Variants in GRXCR1 observed in about 807,000 individuals in gnomAD.
GRXCR1 encodes the protein glutaredoxin and cysteine rich domain containing 1.
A neutral mutation model predicts 27.3 loss-of-function variants in GRXCR1; 27 were observed. That is an observed-to-expected ratio of 0.99 (90% CI 0.73 to 1.37). The LOEUF is 1.37. GRXCR1 is among the 40% of genes most tolerant of loss of function. The pLI, the probability that GRXCR1 is intolerant of heterozygous loss-of-function variation, is 0.00. For synonymous variants in GRXCR1, 122 were observed against 131.1 expected (o/e 0.93, Z 0.47); for missense variants, 379 against 354.4 (o/e 1.07, Z -0.56).
intron 1 of GRXCR1, among the ~76,000 whole-genome samples, chr4:42,931,683 C>G (rs901081604): frequency 6.6e-6 from 1 of 151,740 alleles, no homozygotes; most frequent in African/African-American, 2.4e-5. Flanking sequence ...CTAAATTGAG[C>G]CATTAAGATA....
intron 1 of GRXCR1, among the ~76,000 whole-genome samples, chr4:42,915,813 T>C (rs1422613673): frequency 6.6e-6 from 1 of 152,192 alleles, no homozygotes; most frequent in Non-Finnish European, 1.5e-5. Flanking sequence ...CCTATTACTT[T>C]GTTTCTGTTT....
intron 2 of GRXCR1, among the ~76,000 whole-genome samples, chr4:42,983,935 A>T (rs556641771): frequency 6.6e-6 from 1 of 151,396 alleles, no homozygotes; most frequent in South Asian, 2.1e-4. Flanking sequence ...TTCCAGGTTC[A>T]AGCAATTCTC....
At chr4:42,956,155 T>C (rs1054566831) in intron 1 of GRXCR1, among the ~76,000 whole-genome samples, 1 of 152,140 alleles carries the variant, frequency 6.6e-6, no homozygotes, top group African/African-American at 2.4e-5. Flanking sequence ...CTGCATGTGC[T>C]GCAGGTTGTT....
rs551399470 is a variant in GRXCR1 at position 42,970,863 on chromosome 4, A to C, written c.627+7729A>C. 3.3e-5 allele frequency among the ~76,000 whole-genome samples: 5 copies of C among 152,320 alleles called. No homozygotes were observed. In the East Asian group the frequency reaches 7.7e-4, roughly 24 times the overall value. On this transcript the variant is annotated intron_variant, in intron 2 of 3. Coordinates refer to ENST00000399770, the MANE Select transcript of GRXCR1 (RefSeq NM_001080476.3). ...AGTTTTTCTTTTCTACCACATGGTC[A>C]GGCTGCAATTTTTCCAAATTGTTAT...
chr4:42,974,654 T>C (rs977795214), intron 2 of GRXCR1, among the ~76,000 whole-genome samples: 1 of 152,092 alleles, frequency 6.6e-6, no homozygotes, highest in Non-Finnish European at 1.5e-5. Context: ...AAGCGAGAGC[T>C]AAGACCACTC....
chr4:42,968,465 A>G (rs1444587323), intron 2 of GRXCR1, among the ~76,000 whole-genome samples: 1 of 152,138 alleles, frequency 6.6e-6, no homozygotes, highest in East Asian at 1.9e-4. Flanking sequence ...TTTTCCACAC[A>G]CACACACTAA....
chr4:42,963,217 C>G, intron 2 of GRXCR1, 83 bp downstream of exon 2: 3 of 1,487,044 alleles, frequency 2.0e-6, no homozygotes. Context: ...ACATTTGCAG[C>G]GTAACTACTG....
intron 2 of GRXCR1, among the ~76,000 whole-genome samples, chr4:43,018,002 A>C (rs924216737): frequency 6.6e-6 from 1 of 152,186 alleles, no homozygotes; most frequent in Non-Finnish European, 1.5e-5. Context: ...TATTTCCCTG[A>C]AATGTGCCAA....
intron 2 of GRXCR1, among the ~76,000 whole-genome samples, chr4:42,979,500 T>C (rs970537960): frequency 6.6e-6 from 1 of 152,090 alleles, no homozygotes; most frequent in African/African-American, 2.4e-5. Context: ...GGGAAGAATC[T>C]CAATCATGGT....
chr4:42,903,139 T>C (rs1440718393), intron 1 of GRXCR1, among the ~76,000 whole-genome samples: 1 of 149,238 alleles, frequency 6.7e-6, no homozygotes, highest in Non-Finnish European at 1.5e-5. Context: ...GCCTGGTGCT[T>C]TAAACAGCTG....
chr4:42,987,201 C>CATATATATA (rs1711756414), intron 2 of GRXCR1, among the ~76,000 whole-genome samples: 1 of 51,450 alleles, frequency 1.9e-5, no homozygotes, highest in Admixed American at 3.1e-4. Flanking sequence ...TCATAGTTTT[C>CATATATATA]ATATATATAT....
chr4:42,911,024 C>G (rs1469183708), intron 1 of GRXCR1, among the ~76,000 whole-genome samples: 1 of 152,134 alleles, frequency 6.6e-6, no homozygotes, highest in African/African-American at 2.4e-5. Flanking sequence ...TTACAACATA[C>G]TGTAACTCTA....
chr4:43,003,013 A>G (rs770067149), intron 2 of GRXCR1, among the ~76,000 whole-genome samples: 11 of 152,186 alleles, frequency 7.2e-5, no homozygotes, highest in Non-Finnish European at 1.5e-5. Context: ...ATGGTTTAAA[A>G]GTGTGTGGCA....
At chr4:42,991,469 CATACATATAT>C (rs1711972786) in intron 2 of GRXCR1, among the ~76,000 whole-genome samples, 1 of 142,930 alleles carries the variant, frequency 7.0e-6, no homozygotes, top group Non-Finnish European at 1.6e-5. Flanking sequence ...TACACACACA[CATACATATAT>C]ATATATATAT....
intron 3 of GRXCR1, among the ~76,000 whole-genome samples, chr4:43,024,489 G>A (rs186823768): frequency 3.1e-4 from 40 of 127,818 alleles, no homozygotes; most frequent in Non-Finnish European, 4.2e-4. Context: ...TTCACCTGGG[G>A]AATCAGGCCA....
intron 1 of GRXCR1, among the ~76,000 whole-genome samples, chr4:42,953,383 A>G (rs1424326123): frequency 6.6e-6 from 1 of 152,180 alleles, no homozygotes; most frequent in Non-Finnish European, 1.5e-5. Context: ...TTACCCTTTG[A>G]ACCTGACACC....
chr4:42,935,244 A>G (rs1293076903), intron 1 of GRXCR1, among the ~76,000 whole-genome samples: 1 of 151,956 alleles, frequency 6.6e-6, no homozygotes, highest in Non-Finnish European at 1.5e-5. Flanking sequence ...AACAGTAGCA[A>G]AGTTAGCAGT....
intron 2 of GRXCR1, among the ~76,000 whole-genome samples, chr4:42,993,273 T>C (rs1712033325): frequency 6.6e-6 from 1 of 152,164 alleles, no homozygotes; most frequent in Admixed American, 6.5e-5. Context: ...TCTTCATTAT[T>C]GGTCCTCTTT....
intron 1 of GRXCR1, among the ~76,000 whole-genome samples, chr4:42,936,707 GT>G (rs954228089): frequency 6.6e-6 from 1 of 151,732 alleles, no homozygotes; most frequent in Non-Finnish European, 1.5e-5. Context: ...GCTTTTCTTG[GT>G]TTTGGTGATC....
Sources: gnomAD v4.1 joint callset for allele counts (sites outside exome capture counted in the v4.1 genomes callset) on GRCh38, gnomAD v4.1.1 for gene constraint, MANE v1.5 for transcripts, NCBI Gene and HGNC (gene_info 2026-07-23, HGNC 2026-07-21) for gene names.